The following LNPEP variants were observed in gnomAD, a reference collection of about 807,000 sequenced individuals.
LNPEP encodes leucyl-cystinyl aminopeptidase.
A neutral mutation model predicts 120.6 loss-of-function variants in LNPEP; 64 were observed. The observed-to-expected ratio is 0.53, with a 90% CI of 0.43 to 0.65. LNPEP has a LOEUF of 0.65. Ranked by LOEUF, LNPEP falls within the 30% of genes least tolerant of loss-of-function variation. The pLI is 0.00. For synonymous variants in LNPEP, 435 were observed against 425.4 expected (o/e 1.02, Z -0.28); for missense variants, 1,057 against 1,200.0 (o/e 0.88, Z 1.76).
chr5:96,966,862 AT>A (rs1165877658), intron 1 of LNPEP, among the ~76,000 whole-genome samples: 9 of 152,074 alleles, frequency 5.9e-5, no homozygotes, highest in African/African-American at 2.2e-4. Flanking sequence ...CATTAGCATA[AT>A]TTCCCCCTCA....
intron 6 of LNPEP, 91 bp from the exon 7 acceptor site, chr5:96,996,299 A>G (rs1192769254): frequency 6.8e-6 from 5 of 733,524 alleles, no homozygotes; most frequent in Non-Finnish European, 1.0e-5. Flanking sequence ...TAATCAGGTT[A>G]TAGATAATTA....
chr5:96,948,279 G>A (rs1033634069), intron 1 of LNPEP, among the ~76,000 whole-genome samples: 6 of 151,950 alleles, frequency 3.9e-5, no homozygotes, highest in Non-Finnish European at 8.8e-5. Context: ...CACCATGCCC[G>A]GCTAATTTTT....
chr5:96,944,549 TCTTA>T (rs1561426217), intron 1 of LNPEP, among the ~76,000 whole-genome samples: 2 of 147,754 alleles, frequency 1.4e-5, no homozygotes, highest in East Asian at 2.0e-4. Context: ...TTTTTGTTTT[TCTTA>T]TTTTTGCTTT....
chr5:97,024,411 CTTG>C (rs1561456148), intron 14 of LNPEP, 107 bp from the exon 15 acceptor site: 10 of 988,094 alleles, frequency 1.0e-5, no homozygotes, highest in East Asian at 9.6e-5. Flanking sequence ...TGTACTCAAA[CTTG>C]TTATTATTAC....
chr5:96,940,682 A>G (rs2910792), intron 1 of LNPEP, among the ~76,000 whole-genome samples: 61,016 of 151,726 alleles, frequency 0.4, 12,287 homozygotes, highest in Non-Finnish European at 0.43. Context: ...AAACAGCAGT[A>G]TTAACCCTGT....
rs1418074479 is a variant in LNPEP, at chr5:97,034,787, T to C, written c.*6254T>C. The C allele has an allele frequency of 2.0e-5, 3 of 152,100 alleles. No homozygotes were observed. The highest frequency in any genetic ancestry group is 4.8e-5 in the African/African-American group (2 of 41,434). The allele number at this position is 152,100 out of a possible 1,614,324, so 9.4% of individuals were successfully genotyped here. On this transcript the variant is annotated 3_prime_UTR_variant, in exon 18 of 18. Coordinates refer to ENST00000231368, the MANE Select transcript of LNPEP (RefSeq NM_005575.3). ...ACTTCATTTTGAATCTGGTCCTTTG[T>C]ATGACCACTTAGGTACTTAATAGTA...
intron 1 of LNPEP, among the ~76,000 whole-genome samples, chr5:96,975,420 A>G (rs1789968663): frequency 6.6e-6 from 1 of 152,184 alleles, no homozygotes; most frequent in South Asian, 2.1e-4. Context: ...CTGCAGGTCC[A>G]TCTAGCCCGA....
At chr5:97,028,081 A>T (rs1335738468) in intron 17 of LNPEP, among the ~76,000 whole-genome samples, 1 of 152,210 alleles carries the variant, frequency 6.6e-6, no homozygotes, top group Non-Finnish European at 1.5e-5. Context: ...GAAGAATTGC[A>T]TTCTTGGGGT....
intron 8 of LNPEP, among the ~76,000 whole-genome samples, chr5:96,999,041 CGTGAA>C (rs1006618182): frequency 2.0e-5 from 3 of 151,914 alleles, no homozygotes; most frequent in African/African-American, 7.3e-5. Flanking sequence ...GGAAGCCACA[CGTGAA>C]GAGGGAAAAG....
intron 8 of LNPEP, among the ~76,000 whole-genome samples, chr5:96,999,203 T>A (rs1790586735): frequency 6.6e-6 from 1 of 152,194 alleles, no homozygotes; most frequent in Admixed American, 6.5e-5. Context: ...TATTTTGGTT[T>A]CAGTTTATAA....
chr5:97,000,704 G>A (rs1429483340), intron 8 of LNPEP, among the ~76,000 whole-genome samples: 1 of 152,154 alleles, frequency 6.6e-6, no homozygotes, highest in Non-Finnish European at 1.5e-5. Context: ...GTTTGTGCCT[G>A]GTTTCCTCTG....
rs1002498883 is a variant in LNPEP at position 96,954,513 on chromosome 5, A to T, written c.19+18339A>T. On this transcript the variant is annotated intron_variant, in intron 1 of 17. Transcript: ENST00000231368. ...AGAATGTGCAATAATTGTTCAAATG[A>T]ATAAGCTTCTCAGATTTGGCCTTTG... Among the ~76,000 whole-genome samples the T allele has an allele frequency of 7.3e-5, 11 of 151,360 alleles. No homozygotes were observed. In the South Asian group the frequency reaches 2.1e-3, roughly 29 times the overall value.
Position 97,013,807 on chromosome 5 carries a change from TCAA to T in LNPEP, c.2201_2203del (p.Asn734del). 6.2e-7 allele frequency: 1 copy of T among 1,602,568 alleles called. No homozygotes were observed. Among genetic ancestry groups the T allele is most frequent in the Non-Finnish European group, 8.5e-7 (1 of 1,176,226 alleles). ...AGTGACAAAGACCGAGCCAACCTTA[TCAA>T]CAACATCTTTGAACTTGCAGGGTAG... is the stretch of plus-strand genomic sequence containing the variant. On this transcript the variant is annotated inframe_deletion, in exon 12 of 18. Coordinates refer to ENST00000231368, the MANE Select transcript of LNPEP (RefSeq NM_005575.3).
At chr5:97,018,931 A>G (rs994282000) in intron 13 of LNPEP, among the ~76,000 whole-genome samples, 1 of 152,228 alleles carries the variant, frequency 6.6e-6, no homozygotes, top group Non-Finnish European at 1.5e-5. Flanking sequence ...GATCCTAGCC[A>G]TATTCCTGTT....
At chr5:96,951,521 G>A (rs1789324780) in intron 1 of LNPEP, among the ~76,000 whole-genome samples, 1 of 152,052 alleles carries the variant, frequency 6.6e-6, no homozygotes, top group South Asian at 2.1e-4. Context: ...GCCTCCCAAA[G>A]TGCTGGGATT....
At chr5:96,945,843 C>G (rs757490782) in intron 1 of LNPEP, among the ~76,000 whole-genome samples, 1 of 152,126 alleles carries the variant, frequency 6.6e-6, no homozygotes, top group Non-Finnish European at 1.5e-5. Flanking sequence ...TTCCAAGATC[C>G]TCTTTAGAGG....
At chr5:96,967,242 T>C (rs1259624794) in intron 1 of LNPEP, among the ~76,000 whole-genome samples, 7 of 152,136 alleles carry the variant, frequency 4.6e-5, no homozygotes, top group Admixed American at 3.9e-4. Context: ...TCATGTACTA[T>C]ACTGCATTTA....
rs1791584273 is a variant in LNPEP at position 97,037,094 on chromosome 5, A to G, written c.*8561A>G. 1.3e-5 allele frequency: 2 copies of G among 152,324 alleles called. No homozygotes were observed. Among genetic ancestry groups the G allele is most frequent in the South Asian group, 4.1e-4 (2 of 4,834 alleles). The allele number at this position is 152,324 out of a possible 1,614,324, so 9.4% of individuals were successfully genotyped here. On this transcript the variant is annotated 3_prime_UTR_variant, in exon 18 of 18. Coordinates refer to ENST00000231368, the MANE Select transcript of LNPEP (RefSeq NM_005575.3). Reference sequence around the variant, plus strand: ...ATTGGAGCATTTGCATTAATCAACAAACTCACATTGAGACAAAACTTAGTT... The same window carrying G: ...ATTGGAGCATTTGCATTAATCAACAGACTCACATTGAGACAAAACTTAGTT...
intron 1 of LNPEP, among the ~76,000 whole-genome samples, chr5:96,945,883 G>A (rs563563015): frequency 1.2e-4 from 18 of 152,198 alleles, no homozygotes; most frequent in Non-Finnish European, 1.9e-4. Context: ...TGGGAATGAT[G>A]AGGAGAACTC....
Sources: allele counts gnomAD v4.1 joint callset (sites outside exome capture counted in the v4.1 genomes callset), GRCh38; gene constraint gnomAD v4.1.1; transcripts MANE v1.5; gene names NCBI Gene and HGNC (gene_info 2026-07-23, HGNC 2026-07-21).